Variants in CADPS observed in about 807,000 individuals in gnomAD.
CADPS encodes the protein calcium-dependent secretion activator 1.
A neutral mutation model predicts 167.3 loss-of-function variants in CADPS; 57 were observed. That is an observed-to-expected ratio of 0.34 (90% confidence interval 0.28 to 0.42). The LOEUF (loss-of-function observed/expected upper bound fraction) is 0.42, where lower values mean the gene tolerates loss of function less well. Ranked by LOEUF, CADPS falls within the 20% of genes least tolerant of loss-of-function variation. The pLI, the probability that CADPS is intolerant of heterozygous loss-of-function variation, is 1.00. For synonymous variants in CADPS, 676 were observed against 635.3 expected (o/e 1.06, Z -0.96); for missense variants, 1,414 against 1,738.1 (o/e 0.81, Z 3.32).
chr3:62,437,705 C>T (rs1286946172), intron 28 of CADPS, among the ~76,000 whole-genome samples: 4 of 152,148 alleles, frequency 2.6e-5, no homozygotes, highest in Non-Finnish European at 5.9e-5. Flanking sequence ...GTCAGGGAGG[C>T]GCCACCCCCA....
intron 1 of CADPS, among the ~76,000 whole-genome samples, chr3:62,858,470 T>C (rs1050896914): frequency 2.6e-5 from 4 of 152,152 alleles, no homozygotes; most frequent in Admixed American, 6.6e-5. Flanking sequence ...TATTCCAGTA[T>C]AGTGCTGTGT....
At chr3:62,464,276 C>T (rs1243798316) in intron 26 of CADPS, among the ~76,000 whole-genome samples, 1 of 152,170 alleles carries the variant, frequency 6.6e-6, no homozygotes, top group Non-Finnish European at 1.5e-5. Flanking sequence ...GAGCCTGGAT[C>T]TGTTGGATTC....
chr3:62,667,574 A>G (rs1314296559), intron 3 of CADPS, among the ~76,000 whole-genome samples: 3 of 152,122 alleles, frequency 2.0e-5, no homozygotes, highest in Non-Finnish European at 4.4e-5. Context: ...CTCGATGGGA[A>G]AGGATTCTGT....
intron 9 of CADPS, among the ~76,000 whole-genome samples, chr3:62,557,804 A>T (rs2078428775): frequency 6.6e-6 from 1 of 152,196 alleles, no homozygotes; most frequent in African/African-American, 2.4e-5. Context: ...CTTAGTAAGT[A>T]CTTGATGAAG....
In CADPS at chr3:62,465,883, A is replaced by G. The variant is rs1377361157; in HGVS notation, c.3553-433T>C. Among the ~76,000 whole-genome samples, 3 of 152,222 alleles carry G rather than the reference A, an allele frequency of 2.0e-5. No homozygotes were observed. The highest frequency in any genetic ancestry group is 1.5e-5 in the Non-Finnish European group (1 of 68,048). On this transcript the variant is annotated intron_variant, in intron 25 of 29. Coordinates refer to ENST00000383710, the MANE Select transcript of CADPS (RefSeq NM_003716.4). This position sits in a 1 kb window ranked among gnomAD's most constrained non-coding sequence, Gnocchi z 4.1. ...CACTGGCAAATATAAATGTCTTCCCATTCAGCATTACTTAGTTAAAATTCT... is the reference window on the plus strand; with the variant it reads ...CACTGGCAAATATAAATGTCTTCCCGTTCAGCATTACTTAGTTAAAATTCT...
chr3:62,567,918 T>G (rs1468825204), intron 9 of CADPS, among the ~76,000 whole-genome samples: 2 of 152,150 alleles, frequency 1.3e-5, no homozygotes, highest in Non-Finnish European at 2.9e-5. Context: ...TTACATTGTA[T>G]GCTCTTTAAA....
At chr3:62,637,060 T>C (rs1043305075) in intron 6 of CADPS, among the ~76,000 whole-genome samples, 29 of 152,138 alleles carry the variant, frequency 1.9e-4, no homozygotes, top group African/African-American at 6.5e-4. Flanking sequence ...TGGAGTTCAG[T>C]GACATTATAG....
chr3:62,699,538 CT>C (rs1371744568), intron 3 of CADPS, among the ~76,000 whole-genome samples: 2 of 152,068 alleles, frequency 1.3e-5, no homozygotes, highest in East Asian at 3.9e-4. Flanking sequence ...CAATGTGCCC[CT>C]GGGTCAAATC....
chr3:62,599,309 G>A (rs1460356855), intron 6 of CADPS, among the ~76,000 whole-genome samples: 3 of 150,924 alleles, frequency 2.0e-5, no homozygotes, highest in Admixed American at 6.7e-5. Context: ...TTACATAAAC[G>A]TTAAAAATAG....
At chr3:62,489,436 T>C (rs1319436712) in intron 21 of CADPS, among the ~76,000 whole-genome samples, 1 of 152,212 alleles carries the variant, frequency 6.6e-6, no homozygotes, top group Non-Finnish European at 1.5e-5. Flanking sequence ...CTGGGATTAC[T>C]GGCGTGAGCC....
intron 13 of CADPS, among the ~76,000 whole-genome samples, chr3:62,522,577 C>T (rs1343334911): frequency 1.3e-5 from 2 of 152,146 alleles, no homozygotes; most frequent in Non-Finnish European, 2.9e-5. Flanking sequence ...CAGCATCATC[C>T]TAATAAACTC....
chr3:62,655,290 C>G, intron 4 of CADPS, among the ~76,000 whole-genome samples: 1 of 152,086 alleles, frequency 6.6e-6, no homozygotes. Context: ...GAACTTGTGC[C>G]AAAATAAGGA....
intron 14 of CADPS, 66 bp from the exon 15 acceptor site, chr3:62,516,709 T>G: frequency 8.9e-7 from 1 of 1,123,682 alleles, no homozygotes; most frequent in East Asian, 2.4e-5. Context: ...ATGCTGCAAT[T>G]TGATTCCTAT....
intron 3 of CADPS, among the ~76,000 whole-genome samples, chr3:62,701,793 A>G (rs1193639375): frequency 1.3e-5 from 2 of 152,040 alleles, no homozygotes; most frequent in Non-Finnish European, 2.9e-5. Context: ...CTGGAAGAGC[A>G]TGGTTTGCTC....
intron 6 of CADPS, among the ~76,000 whole-genome samples, chr3:62,605,252 A>AAC (rs10642721): frequency 0.56 from 71,079 of 127,658 alleles, 17,759 homozygotes; most frequent in Non-Finnish European, 0.6. Context: ...GGGAAAAACA[A>AAC]AAAAAAAAAA....
At chr3:62,603,874 T>G (rs1466904971) in intron 6 of CADPS, among the ~76,000 whole-genome samples, 1 of 152,082 alleles carries the variant, frequency 6.6e-6, no homozygotes, top group South Asian at 2.1e-4. Context: ...TCACCCAGGC[T>G]GGAGTGCAGT....
At chr3:62,834,849 G>A (rs1482877284) in intron 1 of CADPS, among the ~76,000 whole-genome samples, 1 of 152,074 alleles carries the variant, frequency 6.6e-6, no homozygotes, top group Non-Finnish European at 1.5e-5. Flanking sequence ...TTGGCTTTTG[G>A]GAAAACTAAG....
At chr3:62,859,744 A>G (rs1237508759) in intron 1 of CADPS, among the ~76,000 whole-genome samples, 1 of 152,210 alleles carries the variant, frequency 6.6e-6, no homozygotes, top group African/African-American at 2.4e-5. Flanking sequence ...GTTGTTTCTA[A>G]TCTGGCCATG....
intron 28 of CADPS, chr3:62,403,516 C>G (rs1431015417): frequency 5.9e-6 from 1 of 170,628 alleles, no homozygotes; most frequent in Non-Finnish European, 1.2e-5. Flanking sequence ...AATTTTACAC[C>G]ATTTATATTC....
Sources: gnomAD v4.1 joint callset for allele counts (sites outside exome capture counted in the v4.1 genomes callset) on GRCh38, gnomAD v4.1.1 for gene constraint, Gnocchi (gnomAD v3.1) non-coding constraint, MANE v1.5 for transcripts, NCBI Gene and HGNC (gene_info 2026-07-23, HGNC 2026-07-21) for gene names.